MTUS1: variants seen among roughly 807,000 people sequenced by gnomAD.
The protein encoded by MTUS1 is microtubule-associated tumor suppressor 1.
Under a neutral mutation model 120.8 loss-of-function variants are expected in MTUS1, and 109 were observed. The ratio of observed to expected loss-of-function variants is 0.90; its 90% CI spans 0.77 to 1.06. The LOEUF (loss-of-function observed/expected upper bound fraction) is 1.06. MTUS1 is among the 50% of genes least tolerant of loss of function. The pLI, the probability that MTUS1 is intolerant of heterozygous loss-of-function variation, is 0.00. For synonymous variants in MTUS1, 737 were observed against 550.5 expected, an observed-to-expected ratio of 1.34 and a Z score of -4.74; for missense variants, 2,210 against 1,486.3, an observed-to-expected ratio of 1.49 and a Z score of -8.01.
intron 3 of MTUS1, chr8:17,724,256 A>G: frequency 3.3e-6 from 1 of 302,466 alleles, no homozygotes; most frequent in Non-Finnish European, 6.4e-6. Flanking sequence ...CATATAAGAA[A>G]TAAATAAGAA....
chr8:17,713,300 A>G (rs1821696171), intron 5 of MTUS1, 48 bp from the exon 6 acceptor site: 1 of 1,087,456 alleles, frequency 9.2e-7, no homozygotes, highest in Non-Finnish European at 1.4e-6. Flanking sequence ...TATTTGACAT[A>G]TCACATAAAA....
At chr8:17,766,705 C>T (rs2049529733) in intron 1 of MTUS1, among the ~76,000 whole-genome samples, 1 of 151,846 alleles carries the variant, frequency 6.6e-6, no homozygotes, top group Non-Finnish European at 1.5e-5. Context: ...ACAGCCAACC[C>T]CTCTTTTATA....
In MTUS1 at chr8:17,713,205, G is replaced by A; in HGVS notation, c.2623+9C>T. 1 of 1,592,714 alleles carries A rather than the reference G, an allele frequency of 6.3e-7. No individual in the cohort carries two copies. The highest frequency in any genetic ancestry group is 8.6e-7 in the Non-Finnish European group (1 of 1,164,194). ...TCTTTTTATCGCCATCCATAAAGTG[G>A]TCACTCACCTGCATTAAGAGCTGTA... On this transcript the variant is annotated intron_variant, in intron 6 of 14. Coordinates refer to ENST00000693296, the MANE Select transcript of MTUS1 (RefSeq NM_001363059.2).
At chr8:17,651,066 C>G (rs10503598) in intron 12 of MTUS1, among the ~76,000 whole-genome samples, 1 of 151,868 alleles carries the variant, frequency 6.6e-6, no homozygotes, top group Non-Finnish European at 1.5e-5. Context: ...GGGTTAAGCG[C>G]CCTACTCAGG....
chr8:17,662,253 A>C (rs1202502072), intron 8 of MTUS1, among the ~76,000 whole-genome samples: 1 of 152,142 alleles, frequency 6.6e-6, no homozygotes, highest in Non-Finnish European at 1.5e-5. Flanking sequence ...ACCAAACATA[A>C]AATTGTTTCG....
At chr8:17,753,371 C>T (rs932718792) in intron 2 of MTUS1, among the ~76,000 whole-genome samples, 1 of 152,128 alleles carries the variant, frequency 6.6e-6, no homozygotes. Flanking sequence ...AAGTTGACAA[C>T]CCAACTTTTT....
chr8:17,751,789 C>T lies in MTUS1; in HGVS notation c.2091+1928G>A, dbSNP rs545652314. Among the ~76,000 whole-genome samples, 7 of 138,010 alleles carry T rather than the reference C, an allele frequency of 5.1e-5. No individual in the cohort carries two copies. In the South Asian group the frequency reaches 1.0e-3, roughly 20 times the overall value. The allele number at this position is 138,010 out of a possible 152,430, so 90.5% of individuals were successfully genotyped here. A position where few individuals can be genotyped will look rare whatever the true frequency, so the allele number is the denominator to read the frequency against. The stretch of plus-strand genomic sequence containing the variant: ...AGGAGAATTGCTTGAACCTGGGAGG[C>T]GGAGGTTGCAGTGAGCCGAGATCTT... On this transcript the variant is annotated intron_variant, in intron 2 of 14. Transcript: ENST00000693296.
In MTUS1 at chr8:17,675,213, C is replaced by G. The variant is rs770984431; in HGVS notation, c.2878G>C (p.Glu960Gln). 1.9e-6 allele frequency: 3 copies of G among 1,614,150 alleles called. No individual in the cohort carries two copies. The highest frequency in any genetic ancestry group is 1.1e-5 in the South Asian group (1 of 91,070). ...ALKQHKTLSQELVNLRGELVT... is the reference protein window; with the variant it reads ...ALKQHKTLSQQLVNLRGELVT... The stretch of plus-strand genomic sequence containing the variant: ...AGCTCTCCCCGGAGGTTAACAAGTT[C>G]TTGAGATAGGGTTTTGTGTTGTTTC... Residue 960 changes from glutamate (E) to glutamine (Q), a missense_variant, in exon 8 of 15, where the codon GAA becomes CAA. Coordinates refer to ENST00000693296, the MANE Select transcript of MTUS1 (RefSeq NM_001363059.2).
chr8:17,724,795 G>T (rs1172523561), intron 3 of MTUS1, among the ~76,000 whole-genome samples: 5 of 152,142 alleles, frequency 3.3e-5, no homozygotes, highest in African/African-American at 1.2e-4. Flanking sequence ...CTATGCGGAT[G>T]AATCCCATGT....
rs575216226 is a variant in MTUS1, at chr8:17,715,560, T to C, written c.2584+207A>G. Among the ~76,000 whole-genome samples the C allele has an allele frequency of 7.2e-5, 11 of 152,358 alleles. No individual in the cohort carries two copies. In the South Asian group the frequency reaches 2.3e-3, roughly 32 times the overall value. On this transcript the variant is annotated intron_variant, in intron 5 of 14. Transcript: ENST00000693296. The stretch of plus-strand genomic sequence containing the variant: ...TTATACCTTTGTTCTGCCTGCTGAC[T>C]TACACGTAATGATTTTTAACTATAG...
chr8:17,688,306 A>G (rs1385566717), intron 6 of MTUS1, among the ~76,000 whole-genome samples: 1 of 152,214 alleles, frequency 6.6e-6, no homozygotes, highest in Non-Finnish European at 1.5e-5. Context: ...GAGAAGTATC[A>G]CATAAGAGGG....
At chr8:17,776,269 T>G (rs372572235) in intron 1 of MTUS1, among the ~76,000 whole-genome samples, 1 of 152,060 alleles carries the variant, frequency 6.6e-6, no homozygotes, top group Non-Finnish European at 1.5e-5. Context: ...TGTGTTTTTA[T>G]ATGCAAAGAC....
intron 3 of MTUS1, among the ~76,000 whole-genome samples, chr8:17,728,526 A>C (rs1351401646): frequency 1.3e-5 from 2 of 152,264 alleles, no homozygotes; most frequent in East Asian, 3.8e-4. Context: ...AAACATATAC[A>C]GAGCCAGAAC....
chr8:17,751,926 T>C (rs1239957655), intron 2 of MTUS1, among the ~76,000 whole-genome samples: 1 of 145,526 alleles, frequency 6.9e-6, no homozygotes, highest in Non-Finnish European at 1.5e-5. Flanking sequence ...TGCCAGTTGA[T>C]AAGCATATGC....
chr8:17,800,224 A>G (rs1274116394), intron 1 of MTUS1, among the ~76,000 whole-genome samples: 2 of 152,002 alleles, frequency 1.3e-5, no homozygotes, highest in African/African-American at 4.8e-5. Context: ...ATTCACTGGT[A>G]ACACCCCTAC....
chr8:17,697,605 C>T, intron 6 of MTUS1: 1 of 1,305,038 alleles, frequency 7.7e-7, no homozygotes, highest in Non-Finnish European at 9.8e-7. Context: ...CAAAATGATG[C>T]TCTTCCTCTG....
chr8:17,724,052 G>A, intron 3 of MTUS1: 1 of 571,618 alleles, frequency 1.7e-6, no homozygotes, highest in South Asian at 1.9e-5. Flanking sequence ...GAGGCAATTA[G>A]GATATGAGAA....
intron 12 of MTUS1, chr8:17,651,775 C>G (rs555277833): frequency 1.7e-4 from 26 of 152,188 alleles, no homozygotes; most frequent in Non-Finnish European, 3.4e-4. Context: ...CTCACTCTGA[C>G]TCTGCCTTAG....
rs769597792 is a variant in MTUS1 at position 17,723,803 on chromosome 8, G to GAC, written c.2316_2317dup (p.Ser773CysfsTer5). On this transcript the variant is annotated frameshift_variant, in exon 4 of 15. Coordinates refer to ENST00000693296, the MANE Select transcript of MTUS1 (RefSeq NM_001363059.2). LOFTEE classifies it high-confidence loss of function. ...TGGTCTAGGCAAATTCACCCATGACGACTGTGCAGTTTTCAAGGATGTAGG... is the reference window on the plus strand; with the variant it reads ...TGGTCTAGGCAAATTCACCCATGACGACACTGTGCAGTTTTCAAGGATGTAGG... The GAC allele has an allele frequency of 1.9e-6, 3 of 1,601,280 alleles. No individual in the cohort carries two copies. In the East Asian group the frequency reaches 6.7e-5, roughly 36 times the overall value.
Sources: allele counts gnomAD v4.1 joint callset (sites outside exome capture counted in the v4.1 genomes callset), GRCh38; gene constraint gnomAD v4.1.1; transcripts MANE v1.5; gene names NCBI Gene and HGNC (gene_info 2026-07-23, HGNC 2026-07-21).